The following GPHN variants were observed in gnomAD, a reference collection of about 807,000 sequenced individuals.
GPHN encodes gephyrin.
A neutral mutation model predicts 95.5 loss-of-function variants in GPHN; 17 were observed. That is an observed-to-expected ratio of 0.18 (90% CI 0.12 to 0.27). The LOEUF is 0.27. GPHN is among the 10% of genes least tolerant of loss of function. The pLI is 1.00. For synonymous variants in GPHN, 320 were observed against 322.5 expected, an observed-to-expected ratio of 0.99 and a Z score of 0.08; for missense variants, 660 against 978.1, an observed-to-expected ratio of 0.67 and a Z score of 4.34.
At chr14:66,919,919 T>C (rs1319987826) in intron 6 of GPHN, among the ~76,000 whole-genome samples, 2 of 151,822 alleles carry the variant, frequency 1.3e-5, no homozygotes, top group Non-Finnish European at 2.9e-5. Flanking sequence ...AAAAAAAAAC[T>C]AGCCAGGCGT....
At chr14:67,677,278 T>C in the GPHN span, 1 of 151,702 alleles carries the variant, frequency 6.6e-6, no homozygotes, top group Admixed American at 6.6e-5. Context: ...CAAAATATTA[T>C]TAAATTGACC....
rs978521179 is a variant in GPHN at position 66,550,865 on chromosome 14, G to GT, written c.64+42283dup. 1.1e-4 allele frequency among the ~76,000 whole-genome samples: 16 copies of GT among 151,128 alleles called. No homozygotes were observed. In the South Asian group the frequency reaches 1.9e-3, roughly 18 times the overall value. On this transcript the variant is annotated intron_variant, in intron 1 of 22. Coordinates refer to ENST00000478722, the MANE Select transcript of GPHN (RefSeq NM_020806.5). Reference sequence around the variant, plus strand: ...AGTAAGGTTTTTTTTTGTTGTTGTTGTTTTTTTTTGAGACGGAGTCTCACT... The same window carrying GT: ...AGTAAGGTTTTTTTTTGTTGTTGTTGTTTTTTTTTTGAGACGGAGTCTCACT...
the GPHN span, chr14:67,592,777 T>C: frequency 9.6e-7 from 1 of 1,043,956 alleles, no homozygotes; most frequent in East Asian, 2.5e-5. Flanking sequence ...CATTCTTTTT[T>C]TCTTTTTCCT....
chr14:66,833,562 TC>T (rs2061666398), intron 4 of GPHN, among the ~76,000 whole-genome samples: 1 of 152,080 alleles, frequency 6.6e-6, no homozygotes, highest in African/African-American at 2.4e-5. Flanking sequence ...TTCAGGACTT[TC>T]TTAGACTCTT....
intron 8 of GPHN, among the ~76,000 whole-genome samples, 171 bp downstream of exon 8, chr14:66,924,463 A>T (rs1462734493): frequency 2.0e-5 from 3 of 152,170 alleles, no homozygotes; most frequent in Middle Eastern, 3.4e-3. Context: ...AAGGAATTTA[A>T]TAGAGTTTCT....
intron 1 of GPHN, among the ~76,000 whole-genome samples, chr14:66,536,823 G>T: frequency 6.6e-6 from 1 of 151,996 alleles, no homozygotes; most frequent in East Asian, 1.9e-4. Context: ...CTTTTTTCCT[G>T]TTCTCTCAGT....
intron 1 of GPHN, among the ~76,000 whole-genome samples, chr14:66,612,219 T>C (rs564898509): frequency 6.6e-6 from 1 of 151,972 alleles, no homozygotes; most frequent in Admixed American, 6.6e-5. Context: ...TTATCACTTG[T>C]TTTTCTTTGC....
intron 9 of GPHN, among the ~76,000 whole-genome samples, chr14:66,989,248 A>G (rs1226027130): frequency 6.6e-6 from 1 of 152,018 alleles, no homozygotes; most frequent in Non-Finnish European, 1.5e-5. Flanking sequence ...TTTTTTTAAA[A>G]AAAAGATTAG....
intron 2 of GPHN, among the ~76,000 whole-genome samples, chr14:66,775,761 G>A (rs1395069322): frequency 6.6e-6 from 1 of 152,104 alleles, no homozygotes; most frequent in Non-Finnish European, 1.5e-5. Flanking sequence ...AAGCTTAGTT[G>A]CTTTCTAAAA....
intron 2 of GPHN, among the ~76,000 whole-genome samples, chr14:66,737,855 G>A (rs1209750547): frequency 1.3e-5 from 2 of 152,152 alleles, no homozygotes; most frequent in Non-Finnish European, 2.9e-5. Flanking sequence ...GACCTTAACT[G>A]AATATGTTGG....
the GPHN span, among the ~76,000 whole-genome samples, chr14:67,441,605 T>C: frequency 2.0e-5 from 3 of 152,188 alleles, no homozygotes; most frequent in African/African-American, 4.8e-5. Flanking sequence ...ATTTGGGGTA[T>C]CCCGTGAGGG....
At chr14:66,963,403 T>C (rs925392356) in intron 8 of GPHN, among the ~76,000 whole-genome samples, 1 of 152,048 alleles carries the variant, frequency 6.6e-6, no homozygotes, top group Non-Finnish European at 1.5e-5. Context: ...TCATTAGATA[T>C]TGGACATAAA....
chr14:67,100,944 T>G (rs770422912), intron 13 of GPHN, 33 bp downstream of exon 13: 18 of 1,318,994 alleles, frequency 1.4e-5, no homozygotes, highest in Non-Finnish European at 1.9e-5. Context: ...GCACTGAAGA[T>G]TTCAGCTTCA....
chr14:67,088,650 C>T (rs187645041), intron 11 of GPHN, among the ~76,000 whole-genome samples: 1 of 152,200 alleles, frequency 6.6e-6, no homozygotes, highest in Admixed American at 6.5e-5. Context: ...GGTATGAAAA[C>T]GTTTAAAGTT....
At chr14:67,183,060 G>A (rs150212454), downstream of GPHN, among the ~76,000 whole-genome samples, 824 of 151,922 alleles carry the variant, frequency 5.4e-3, 7 homozygotes, top group Admixed American at 9.6e-3. Flanking sequence ...TGATAGCACA[G>A]GAAAAAGAGT....
chr14:67,441,577 G>C, the GPHN span, among the ~76,000 whole-genome samples: 2 of 152,184 alleles, frequency 1.3e-5, no homozygotes, highest in Non-Finnish European at 2.9e-5. Flanking sequence ...TGACCTCCCA[G>C]GTGCTTGGCT....
At chr14:66,811,741 A>C in intron 3 of GPHN, among the ~76,000 whole-genome samples, 1 of 152,202 alleles carries the variant, frequency 6.6e-6, no homozygotes, top group Admixed American at 6.5e-5. Context: ...TTGAATGCCA[A>C]ACTCATGGAT....
the GPHN span, among the ~76,000 whole-genome samples, chr14:67,481,274 C>T: frequency 6.6e-6 from 1 of 151,966 alleles, no homozygotes; most frequent in Non-Finnish European, 1.5e-5. Context: ...TGAGCAAGAC[C>T]CTGTCTCTTA....
chr14:67,179,518 T>C, intron 21 of GPHN, 60 bp from the exon 22 acceptor site: 2 of 943,120 alleles, frequency 2.1e-6, no homozygotes, highest in South Asian at 2.6e-5. Flanking sequence ...CCTACTATCT[T>C]GTATTTTTGT....
Sources: gnomAD v4.1 joint callset for allele counts (sites outside exome capture counted in the v4.1 genomes callset) on GRCh38, gnomAD v4.1.1 for gene constraint, MANE v1.5 for transcripts, NCBI Gene and HGNC (gene_info 2026-07-23, HGNC 2026-07-21) for gene names.